The following ODR4 variants were observed in gnomAD, a reference collection of about 807,000 sequenced individuals.
The protein encoded by ODR4 is protein odr-4 homolog.
In ODR4, 47 loss-of-function variants were observed where a neutral mutation model predicts 60.2. The ratio of observed to expected loss-of-function variants is 0.78; its 90% CI spans 0.62 to 1.00. The LOEUF (loss-of-function observed/expected upper bound fraction) is 1.00. ODR4 is among the 50% of genes least tolerant of loss of function. The pLI, the probability that ODR4 is intolerant of heterozygous loss-of-function variation, is 0.00. For synonymous variants in ODR4, 178 were observed against 175.5 expected (o/e 1.01, Z -0.11); for missense variants, 488 against 530.8 (o/e 0.92, Z 0.79).
intron 3 of ODR4, among the ~76,000 whole-genome samples, chr1:186,385,021 G>A (rs1226344672): frequency 6.6e-6 from 1 of 151,724 alleles, no homozygotes; most frequent in Non-Finnish European, 1.5e-5. Context: ...TCATGTGAAG[G>A]GAAATACAGA....
intron 12 of ODR4, among the ~76,000 whole-genome samples, chr1:186,410,480 A>T (rs1055433906): frequency 6.6e-6 from 1 of 152,200 alleles, no homozygotes; most frequent in Admixed American, 6.5e-5. Flanking sequence ...AATAGATATG[A>T]ATCAATAACT....
intron 12 of ODR4, among the ~76,000 whole-genome samples, chr1:186,407,801 A>G (rs570741658): frequency 1.3e-5 from 2 of 151,974 alleles, no homozygotes; most frequent in Non-Finnish European, 1.5e-5. Flanking sequence ...TTTTCTTACC[A>G]CCTTGTTTGC....
chr1:186,426,757 G>C, the ODR4 span, among the ~76,000 whole-genome samples: 1 of 152,088 alleles, frequency 6.6e-6, no homozygotes, highest in African/African-American at 2.4e-5. Context: ...TTTAGTATAT[G>C]TCAAAAAAAG....
At position 186,381,774 on chromosome 1, in the gene ODR4, C is replaced by T. The variant is rs547988847; in HGVS notation, c.100-1248C>T. 7.0e-4 allele frequency among the ~76,000 whole-genome samples: 106 copies of T among 152,228 alleles called. 1 individual carries two copies. The Middle Eastern group carries it at 0.017, about 24-fold the overall frequency. ...CTCTTAAGCTTGCCTGTTTCCTGGT[C>T]TCTGTCAGTTTCTTTTTCTTTTCAA... On this transcript the variant is annotated intron_variant, in intron 2 of 13. Transcript: ENST00000287859.
intron 11 of ODR4, among the ~76,000 whole-genome samples, chr1:186,404,005 G>A (rs1661082331): frequency 6.6e-6 from 1 of 151,918 alleles, no homozygotes; most frequent in African/African-American, 2.4e-5. Context: ...AGCTTCAACT[G>A]TGCTATCACC....
chr1:186,383,068 C>A lies in ODR4; in HGVS notation c.146C>A (p.Pro49His). The part of the protein sequence containing the change: ...DYVILATRTP[P>H]KEEQSENLKH... ...GTGATTCTTGCCACTAGAACGCCACCCAAAGAGGAGCAAAGTGAGAACCTC... is the reference window on the plus strand; with the variant it reads ...GTGATTCTTGCCACTAGAACGCCACACAAAGAGGAGCAAAGTGAGAACCTC... Residue 49 changes from proline (P) to histidine (H), a missense_variant, in exon 3 of 14, where the codon CCC (proline) becomes CAC (histidine). Physicochemically the swap from Pro to His is moderately conservative, Grantham distance 77. Transcript: ENST00000287859. 6.3e-7 allele frequency: 1 copy of A among 1,578,398 alleles called. No homozygotes were observed. The highest frequency in any genetic ancestry group is 1.2e-5 in the South Asian group (1 of 85,880).
In ODR4 at chr1:186,389,639, C is replaced by T; in HGVS notation, c.474+15C>T. 5 of 1,465,514 alleles carry T rather than the reference C, an allele frequency of 3.4e-6. No homozygotes were observed. The highest frequency in any genetic ancestry group is 4.6e-6 in the Non-Finnish European group (5 of 1,083,480). 90.8% of individuals were successfully genotyped at this position (1,465,514 alleles called of 1,614,324 possible). On this transcript the variant is annotated intron_variant, in intron 6 of 13. Coordinates refer to ENST00000287859, the MANE Select transcript of ODR4 (RefSeq NM_017847.6). ...ATGATCCAAAGGTAAGAAATTTACT[C>T]TTTAAAGATTTTTCTGTGTCACAAA... is the stretch of plus-strand genomic sequence containing the variant.
chr1:186,401,719 T>G (rs1390001818), intron 11 of ODR4, among the ~76,000 whole-genome samples: 1 of 152,160 alleles, frequency 6.6e-6, no homozygotes, highest in Non-Finnish European at 1.5e-5. Flanking sequence ...CACTTGATTA[T>G]GATGTATTAT....
chr1:186,429,277 A>C, the ODR4 span, among the ~76,000 whole-genome samples: 11 of 152,246 alleles, frequency 7.2e-5, no homozygotes, highest in East Asian at 1.2e-3. Flanking sequence ...CTCAAGAAAA[A>C]AAAAAGACAA....
chr1:186,396,108 T>G (rs776349367), intron 9 of ODR4, among the ~76,000 whole-genome samples: 1 of 152,228 alleles, frequency 6.6e-6, no homozygotes, highest in Non-Finnish European at 1.5e-5. Flanking sequence ...ATGCCACTAC[T>G]TGTGTAAGAT....
At chr1:186,414,766 C>T (rs1302668835) in intron 12 of ODR4, among the ~76,000 whole-genome samples, 1 of 152,058 alleles carries the variant, frequency 6.6e-6, no homozygotes, top group African/African-American at 2.4e-5. Flanking sequence ...GTGACCTGCC[C>T]GCCTCGGCCT....
chr1:186,432,699 T>A, the ODR4 span, among the ~76,000 whole-genome samples: 1 of 152,148 alleles, frequency 6.6e-6, no homozygotes, highest in African/African-American at 2.4e-5. Flanking sequence ...CAGCTCTATC[T>A]AAGCATGTGT....
Position 186,383,139 on chromosome 1 carries a change from A to G in ODR4, c.217A>G (p.Thr73Ala), listed in dbSNP as rs774631592. The part of the protein sequence containing the change: ...KLDNLDEEWA[T>A]EHACQVSRML... ...GGATAACTTGGATGAAGAATGGGCC[A>G]CAGAACATGCCTGCCAGGTTATCTT... The change falls in exon 3 of 14, where the codon ACA (threonine) becomes GCA (alanine). Residue 73 changes from threonine (T) to alanine (A), a missense_variant. Physicochemically the swap from Thr to Ala is moderately conservative, Grantham distance 58. Coordinates refer to ENST00000287859, the MANE Select transcript of ODR4 (RefSeq NM_017847.6). The G allele has an allele frequency of 2.5e-5, 39 of 1,553,186 alleles. No homozygotes were observed. The highest frequency in any genetic ancestry group is 3.1e-5 in the Non-Finnish European group (36 of 1,147,864).
Position 186,407,652 on chromosome 1 carries a change from C to A in ODR4, c.1186+1384C>A, listed in dbSNP as rs1419621634. Among the ~76,000 whole-genome samples the A allele has an allele frequency of 2.0e-5, 3 of 152,090 alleles. No homozygotes were observed. The East Asian group carries it at 5.8e-4, about 29-fold the overall frequency. ...AACCTATTCTTTCAGTAATATGCAG[C>A]AATAAAACATGAGTACCACTTCCTC... On this transcript the variant is annotated intron_variant, in intron 12 of 13. Coordinates refer to ENST00000287859, the MANE Select transcript of ODR4 (RefSeq NM_017847.6).
At chr1:186,410,980 A>C (rs1571697507) in intron 12 of ODR4, among the ~76,000 whole-genome samples, 1 of 151,578 alleles carries the variant, frequency 6.6e-6, no homozygotes, top group South Asian at 2.1e-4. Flanking sequence ...GTGCCATTGC[A>C]CTCCAGCCTG....
intron 12 of ODR4, among the ~76,000 whole-genome samples, chr1:186,409,006 C>A (rs1421550453): frequency 7.4e-6 from 1 of 135,828 alleles, no homozygotes; most frequent in African/African-American, 2.6e-5. Context: ...AATATTTTAA[C>A]AAACAGTTAG....
chr1:186,430,451 A>G, the ODR4 span, among the ~76,000 whole-genome samples: 1 of 152,078 alleles, frequency 6.6e-6, no homozygotes, highest in African/African-American at 2.4e-5. Flanking sequence ...GATAGAGATG[A>G]AGGTAGTTTA....
At chr1:186,421,951 TAAAG>T (rs920960534), downstream of ODR4, among the ~76,000 whole-genome samples, 6 of 145,160 alleles carry the variant, frequency 4.1e-5, no homozygotes, top group South Asian at 4.4e-4. Flanking sequence ...CTAGTACAAA[TAAAG>T]AAAGAAATTA....
intron 11 of ODR4, among the ~76,000 whole-genome samples, chr1:186,404,590 T>G (rs991564748): frequency 2.0e-5 from 3 of 152,250 alleles, no homozygotes; most frequent in African/African-American, 7.2e-5. Context: ...TGGACAATTT[T>G]CGTGCTACAG....
Sources: gnomAD v4.1 joint callset for allele counts (sites outside exome capture counted in the v4.1 genomes callset) on GRCh38, gnomAD v4.1.1 for gene constraint, MANE v1.5 for transcripts, NCBI Gene and HGNC (gene_info 2026-07-23, HGNC 2026-07-21) for gene names.